PTCH1: variants seen among roughly 807,000 people sequenced by gnomAD.
PTCH1 encodes protein patched homolog 1.
Under a neutral mutation model 144.6 loss-of-function variants are expected in PTCH1, and 14 were observed. That is an observed-to-expected ratio of 0.10 (90% CI 0.06 to 0.15). The LOEUF (loss-of-function observed/expected upper bound fraction) is 0.15. Ranked by LOEUF, PTCH1 falls within the 10% of genes least tolerant of loss-of-function variation. PTCH1 has a pLI of 1.00. For missense variants in PTCH1, 1,623 were observed against 1,948.3 expected (o/e 0.83, Z 3.14); for synonymous variants, 833 against 793.6 (o/e 1.05, Z -0.83).
upstream of PTCH1, among the ~76,000 whole-genome samples, chr9:95,511,405 T>TA (rs1330679946): frequency 1.3e-5 from 2 of 152,060 alleles, no homozygotes; most frequent in African/African-American, 4.8e-5. Flanking sequence ...CCCGACCCCC[T>TA]AACCCGCAAA....
intron 18 of PTCH1, among the ~76,000 whole-genome samples, chr9:95,456,979 A>C (rs1838997859): frequency 6.6e-6 from 1 of 152,140 alleles, no homozygotes; most frequent in Admixed American, 6.5e-5. Context: ...GTAAGCGGGG[A>C]GGTCGTCATC....
At position 95,476,456 on chromosome 9, in the gene PTCH1, G is replaced by GT. The variant is rs1198824938; in HGVS notation, c.1603-298_1603-297insA. 2.6e-5 allele frequency among the ~76,000 whole-genome samples: 4 copies of GT among 152,324 alleles called. No homozygotes were observed. In the East Asian group the frequency reaches 7.7e-4, roughly 29 times the overall value. On this transcript the variant is annotated intron_variant, in intron 11 of 23. Coordinates refer to ENST00000331920, the MANE Select transcript of PTCH1 (RefSeq NM_000264.5). This position sits in a 1 kb window ranked among gnomAD's most constrained non-coding sequence, Gnocchi z 4.6. ...GGAGGGAGGTGATGGCTAAGTGACA[G>GT]ACATCTCCAGAGAAGCAAATGCAGG...
chr9:95,512,416 T>G (rs1015700640), upstream of PTCH1, among the ~76,000 whole-genome samples: 11 of 137,250 alleles, frequency 8.0e-5, no homozygotes, highest in Admixed American at 3.8e-4. Flanking sequence ...TCTGCTTTTT[T>G]CATACTTAGA....
intron 1 of PTCH1, chr9:95,507,382 C>T: frequency 2.0e-6 from 2 of 985,482 alleles, no homozygotes; most frequent in Non-Finnish European, 2.4e-6. Context: ...GCGCTGGCCG[C>T]GGCCCCGGCG....
chr9:95,483,296 G>A (rs1225233474), intron 3 of PTCH1: 2 of 149,330 alleles, frequency 1.3e-5, no homozygotes, highest in East Asian at 4.0e-4. Context: ...GAGTTTTATT[G>A]TCTCTAGAAA....
At chr9:95,487,080 G>C (rs1216817064) in intron 2 of PTCH1, among the ~76,000 whole-genome samples, 1 of 152,174 alleles carries the variant, frequency 6.6e-6, no homozygotes, top group East Asian at 1.9e-4. Context: ...AAGTAAATAA[G>C]GACTGGGAAC....
intron 2 of PTCH1, among the ~76,000 whole-genome samples, chr9:95,498,878 C>T (rs759278805): frequency 4.6e-5 from 7 of 152,308 alleles, no homozygotes; most frequent in African/African-American, 1.7e-4. Flanking sequence ...CAAGACCTCT[C>T]GTGAGGATGG....
chr9:95,461,826 A>C, intron 16 of PTCH1, 30 bp downstream of exon 16: 9 of 1,613,596 alleles, frequency 5.6e-6, no homozygotes, highest in Non-Finnish European at 7.6e-6. Flanking sequence ...CAGCCCTGGA[A>C]GCGCCCTCAG....
In PTCH1 at chr9:95,485,702, A is replaced by G. The variant is rs150759973; in HGVS notation, c.567T>C (p.His189=). The stretch of plus-strand genomic sequence containing the variant: ...GGCCTTACCTGTTGTACATGTATAC[A>G]TGGACACGGCTGGCCTGGAGTGCCG... ...LDSALQASRV[H]VYMYNRQWKL... The change falls in exon 3 of 24, where the codon CAT becomes CAC. Residue 189 remains histidine, a synonymous_variant. Coordinates refer to ENST00000331920, the MANE Select transcript of PTCH1 (RefSeq NM_000264.5). The G allele has an allele frequency of 2.9e-4, 462 of 1,614,080 alleles. 1 individual carries two copies. Among genetic ancestry groups the G allele is most frequent in the Admixed American group, 7.8e-4 (47 of 60,014 alleles).
chr9:95,487,965 C>A (rs552487011), intron 2 of PTCH1, among the ~76,000 whole-genome samples: 24 of 152,304 alleles, frequency 1.6e-4, no homozygotes, highest in East Asian at 7.7e-4. Context: ...TTCTGCCCCT[C>A]GAGCCTTGGC....
At chr9:95,508,095 G>A (rs1312489039) in intron 1 of PTCH1, 66 bp downstream of exon 1, 1 of 1,596,856 alleles carries the variant, frequency 6.3e-7, no homozygotes, top group Non-Finnish European at 8.5e-7. Flanking sequence ...GTTTGTGTGT[G>A]GCGGGGGCGA....
chr9:95,456,930 G>C (rs1838991951), intron 18 of PTCH1, among the ~76,000 whole-genome samples: 1 of 152,190 alleles, frequency 6.6e-6, no homozygotes, highest in African/African-American at 2.4e-5. Context: ...GCTTTTGTGA[G>C]TGAACCTGCA....
chr9:95,449,389 C>T lies in PTCH1; in HGVS notation c.3550-66G>A. On this transcript the variant is annotated intron_variant, in intron 21 of 23. Coordinates refer to ENST00000331920, the MANE Select transcript of PTCH1 (RefSeq NM_000264.5). The surrounding 1 kb of genome is among the most constrained non-coding windows in gnomAD (Gnocchi z 5.3). ...TTACCTGCTGGCCACACTCAAAGCT[C>T]AAAGCACGGTATTTTTCAGGGGCCT... is the stretch of plus-strand genomic sequence containing the variant. 1.3e-6 allele frequency: 2 copies of T among 1,534,396 alleles called. No homozygotes were observed. The highest frequency in any genetic ancestry group is 8.7e-7 in the Non-Finnish European group (1 of 1,144,256).
rs2118029906 is a variant in PTCH1, at chr9:95,468,819, T to C, written c.2182A>G (p.Thr728Ala). ...GCAAAAGATGAGAGTGTCCACTTCGTACAGGGGGGCTCGAGGCAGTGGAGG... is the reference window on the plus strand; with the variant it reads ...GCAAAAGATGAGAGTGTCCACTTCGCACAGGGGGGCTCGAGGCAGTGGAGG... ...SSLHCLEPPC[T>A]KWTLSSFAEK... The change falls in exon 14 of 24, where the codon ACG (threonine) becomes GCG (alanine). Residue 728 changes from threonine to alanine, a missense_variant. By Grantham distance (58) the Thr-to-Ala change is moderately conservative. This residue lies in a region of PTCH1 where 179 missense variants were observed against 165.7 expected (regional missense o/e 1.08). Coordinates refer to ENST00000331920, the MANE Select transcript of PTCH1 (RefSeq NM_000264.5). 6.2e-7 allele frequency: 1 copy of C among 1,614,116 alleles called. No homozygotes were observed. Among genetic ancestry groups the C allele is most frequent in the Non-Finnish European group, 8.5e-7 (1 of 1,179,988 alleles).
intron 3 of PTCH1, chr9:95,483,828 T>C (rs1393826420): frequency 2.0e-5 from 3 of 152,262 alleles, no homozygotes; most frequent in Non-Finnish European, 2.9e-5. Flanking sequence ...CTATCCGGCA[T>C]GAGTAGGTTC....
chr9:95,503,526 T>C (rs1165217073), intron 2 of PTCH1, among the ~76,000 whole-genome samples: 2 of 152,226 alleles, frequency 1.3e-5, no homozygotes, highest in Non-Finnish European at 2.9e-5. Flanking sequence ...CTGTCGCTTC[T>C]TCTCTAGGGG....
Position 95,506,919 on chromosome 9 carries a change from G to C in PTCH1, c.202-320C>G, listed in dbSNP as rs1009849909. ...GAGGTAGAGAGGAGAGAAACCACTC[G>C]ACACAGACAATATTCACCCCAGAGC... is the stretch of plus-strand genomic sequence containing the variant. On this transcript the variant is annotated intron_variant, in intron 1 of 23. Transcript: ENST00000331920. 1.2e-5 allele frequency: 13 copies of C among 1,082,982 alleles called. No individual in the cohort carries two copies. In the East Asian group the frequency reaches 2.4e-4, roughly 20 times the overall value. The allele number at this position is 1,082,982 out of a possible 1,614,324, so 67.1% of individuals were successfully genotyped here.
At chr9:95,475,492 G>C (rs1840947781) in intron 12 of PTCH1, among the ~76,000 whole-genome samples, 3 of 152,228 alleles carry the variant, frequency 2.0e-5, no homozygotes, top group Non-Finnish European at 4.4e-5. Context: ...CACCGAGGCG[G>C]ACCCTGCAGG....
rs762198055 is a variant in PTCH1 at position 95,476,729 on chromosome 9, C to T, written c.1602+30G>A. The T allele has an allele frequency of 1.3e-6, 2 of 1,593,876 alleles. No homozygotes were observed. The highest frequency in any genetic ancestry group is 1.3e-5 in the African/African-American group (1 of 74,382). On this transcript the variant is annotated intron_variant, in intron 11 of 23. Coordinates refer to ENST00000331920, the MANE Select transcript of PTCH1 (RefSeq NM_000264.5). The surrounding 1 kb of genome is among the most constrained non-coding windows in gnomAD (Gnocchi z 4.6). Reference sequence around the variant, plus strand: ...GGAACAGAGGAAGCTGTGATGTCCCCAAAGCTCTCTTCTTTTGTTTTTGCA... The same window carrying T: ...GGAACAGAGGAAGCTGTGATGTCCCTAAAGCTCTCTTCTTTTGTTTTTGCA...
Sources: allele counts gnomAD v4.1 joint callset (sites outside exome capture counted in the v4.1 genomes callset), GRCh38; gene constraint gnomAD v4.1.1; regional missense constraint gnomAD v4.1.1; non-coding constraint Gnocchi (gnomAD v3.1); transcripts MANE v1.5; gene names NCBI Gene and HGNC (gene_info 2026-07-23, HGNC 2026-07-21).